WDPCP: variants seen among roughly 807,000 people sequenced by gnomAD.
WDPCP encodes WD repeat-containing and planar cell polarity effector protein fritz homolog.
Under a neutral mutation model 93.1 loss-of-function variants are expected in WDPCP, and 71 were observed. The observed-to-expected ratio is 0.76, with a 90% CI of 0.63 to 0.93. The LOEUF is 0.93. WDPCP is among the 40% of genes least tolerant of loss of function. The pLI, the probability that WDPCP is intolerant of heterozygous loss-of-function variation, is 0.00. For missense variants in WDPCP, 844 were observed against 887.4 expected, an observed-to-expected ratio of 0.95 and a Z score of 0.62; for synonymous variants, 315 against 315.0, an observed-to-expected ratio of 1.00 and a Z score of 0.00.
At chr2:63,280,832 A>G (rs1032278631) in intron 13 of WDPCP, among the ~76,000 whole-genome samples, 3 of 152,210 alleles carry the variant, frequency 2.0e-5, no homozygotes, top group African/African-American at 7.2e-5. Flanking sequence ...TCAACTCAAG[A>G]TGGATTGAAG....
chr2:63,808,347 C>G (rs1217344082), intron 2 of WDPCP, among the ~76,000 whole-genome samples: 3 of 126,334 alleles, frequency 2.4e-5, no homozygotes, highest in African/African-American at 1.1e-4. Context: ...CCTCTCCCCA[C>G]GGTCTCCCTC....
At chr2:63,352,148 C>T (rs1446306924) in intron 12 of WDPCP, among the ~76,000 whole-genome samples, 2 of 151,950 alleles carry the variant, frequency 1.3e-5, no homozygotes, top group Non-Finnish European at 2.9e-5. Context: ...TGTTTAATTT[C>T]CTTATAGATT....
intron 13 of WDPCP, among the ~76,000 whole-genome samples, chr2:63,281,644 A>G (rs1222456181): frequency 6.6e-6 from 1 of 152,252 alleles, no homozygotes; most frequent in Non-Finnish European, 1.5e-5. Context: ...CTACTCAGCC[A>G]TAAAAAGGAA....
chr2:63,632,116 A>G (rs779389363), intron 3 of WDPCP, among the ~76,000 whole-genome samples: 1 of 152,206 alleles, frequency 6.6e-6, no homozygotes, highest in Non-Finnish European at 1.5e-5. Flanking sequence ...TGTTCCTTCT[A>G]TAGAGCTGAA....
chr2:63,286,048 C>T (rs1322619286), intron 13 of WDPCP, among the ~76,000 whole-genome samples: 1 of 151,974 alleles, frequency 6.6e-6, no homozygotes, highest in African/African-American at 2.4e-5. Flanking sequence ...TTCTCTGTCA[C>T]CCAAGCTGAG....
chr2:63,462,549 G>C (rs117777907), intron 6 of WDPCP, among the ~76,000 whole-genome samples: 1 of 152,204 alleles, frequency 6.6e-6, no homozygotes, highest in East Asian at 1.9e-4. Context: ...TGACTACTAT[G>C]TGGAGAGCAG....
intron 17 of WDPCP, among the ~76,000 whole-genome samples, chr2:63,152,683 A>G (rs1574740207): frequency 6.6e-6 from 1 of 152,208 alleles, no homozygotes; most frequent in Non-Finnish European, 1.5e-5. Flanking sequence ...TGTTATGCAC[A>G]ATTTTATTTT....
chr2:63,253,925 G>A (rs972803055), intron 14 of WDPCP, among the ~76,000 whole-genome samples: 3 of 152,114 alleles, frequency 2.0e-5, no homozygotes, highest in Non-Finnish European at 4.4e-5. Flanking sequence ...AAAGACACAT[G>A]CACTTGTATG....
Position 63,728,269 on chromosome 2 carries a change from G to A in WDPCP, n.309-77431C>T, listed in dbSNP as rs147405145. On this transcript the variant is annotated intron_variant and non_coding_transcript_variant, in intron 2 of 4. Transcript: ENST00000467687. ...CTACTAAGTGTAAGTGAACAAAAAC[G>A]GTCTTTCAGAAACTGGACCCACATC... Among the ~76,000 whole-genome samples, 24 of 152,300 alleles carry A rather than the reference G, an allele frequency of 1.6e-4. No homozygotes were observed. In the East Asian group the frequency reaches 4.2e-3, roughly 27 times the overall value.
intron 2 of WDPCP, among the ~76,000 whole-genome samples, chr2:63,684,081 A>G (rs1402753863): frequency 2.0e-5 from 3 of 151,830 alleles, no homozygotes. Flanking sequence ...GAAAATTAAC[A>G]AAGAAATATT....
intron 13 of WDPCP, among the ~76,000 whole-genome samples, chr2:63,270,965 A>G (rs1419679310): frequency 2.6e-5 from 4 of 152,198 alleles, no homozygotes; most frequent in Admixed American, 6.5e-5. Context: ...CTGGGGCACA[A>G]TAGCCCCTGA....
intron 12 of WDPCP, among the ~76,000 whole-genome samples, chr2:63,332,546 G>A (rs574594808): frequency 5.9e-5 from 9 of 152,042 alleles, no homozygotes; most frequent in Non-Finnish European, 1.2e-4. Context: ...TTGGTAATGT[G>A]TCTCTTCAAA....
rs530516705 is a variant in WDPCP, at chr2:63,794,273, T to C, written n.308+19349A>G. Among the ~76,000 whole-genome samples the C allele has an allele frequency of 1.8e-4, 28 of 152,338 alleles. No homozygotes were observed. The South Asian group carries it at 4.8e-3, about 26-fold the overall frequency. Reference sequence around the variant, plus strand: ...CCTCCCACAATGTACAGTAGCCATATGTTTTAAGGAATTGACCCCAGCAAT... The same window carrying C: ...CCTCCCACAATGTACAGTAGCCATACGTTTTAAGGAATTGACCCCAGCAAT... On this transcript the variant is annotated intron_variant and non_coding_transcript_variant, in intron 2 of 4. Transcript: ENST00000467687.
intron 9 of WDPCP, among the ~76,000 whole-genome samples, chr2:63,406,660 T>C (rs1024387105): frequency 2.0e-5 from 3 of 152,138 alleles, no homozygotes; most frequent in African/African-American, 7.2e-5. Flanking sequence ...TATGCTTAGG[T>C]TTGATGAAGA....
intron 17 of WDPCP, among the ~76,000 whole-genome samples, chr2:63,146,699 A>G (rs1047318635): frequency 2.6e-5 from 4 of 152,164 alleles, no homozygotes; most frequent in African/African-American, 9.7e-5. Flanking sequence ...TGTTAATGAT[A>G]TGTATGCTAA....
intron 1 of WDPCP, among the ~76,000 whole-genome samples, chr2:63,503,936 C>T (rs1701711815): frequency 6.6e-6 from 1 of 150,690 alleles, no homozygotes; most frequent in Non-Finnish European, 1.5e-5. Flanking sequence ...AATCCTTTAT[C>T]TACAAATAGA....
At chr2:63,606,320 G>T (rs1709526729) in intron 3 of WDPCP, among the ~76,000 whole-genome samples, 1 of 152,182 alleles carries the variant, frequency 6.6e-6, no homozygotes, top group Non-Finnish European at 1.5e-5. Flanking sequence ...GATCAAGGCT[G>T]CAGTGAACCA....
In WDPCP at chr2:63,588,262, C is replaced by A; in HGVS notation, c.10G>T (p.Glu4Ter). MRR[E>*]FCWDAYSKAA... ...TTGGAGTAGGCGTCCCAGCAAAACT[C>A]TCGCCTCATCACCAGACACTACCCC... Residue 4 changes from glutamate (E) to a stop codon, truncating the protein, a stop_gained, in exon 1 of 18, where the codon GAG (glutamate) becomes TAG (stop). Transcript: ENST00000272321. LOFTEE classifies it high-confidence loss of function. The A allele has an allele frequency of 6.3e-7, 1 of 1,574,812 alleles. No individual in the cohort carries two copies. The highest frequency in any genetic ancestry group is 2.4e-5 in the East Asian group (1 of 42,286).
At chr2:63,271,140 G>T (rs1203029462) in intron 13 of WDPCP, among the ~76,000 whole-genome samples, 1 of 152,200 alleles carries the variant, frequency 6.6e-6, no homozygotes, top group East Asian at 1.9e-4. Context: ...TGGGGAGGCT[G>T]CCTCTGGGAC....
Sources: gnomAD v4.1 joint callset for allele counts (sites outside exome capture counted in the v4.1 genomes callset) on GRCh38, gnomAD v4.1.1 for gene constraint, MANE v1.5 for transcripts, NCBI Gene and HGNC (gene_info 2026-07-23, HGNC 2026-07-21) for gene names.